NRG1: variants seen among roughly 807,000 people sequenced by gnomAD.
NRG1 encodes neuregulin 1.
NRG1 carries 18 observed loss-of-function variants against 63.8 expected under a neutral mutation model. The ratio of observed to expected loss-of-function variants is 0.28; its 90% CI spans 0.19 to 0.42. The LOEUF (loss-of-function observed/expected upper bound fraction) is 0.42. NRG1 is among the 10% of genes least tolerant of loss of function. The probability of loss-of-function intolerance (pLI) is 1.00; values close to 1 mark genes in which losing one functional copy is unlikely to be tolerated. For synonymous variants in NRG1, 302 were observed against 301.3 expected (o/e 1.00, Z -0.02); for missense variants, 762 against 814.7 (o/e 0.94, Z 0.79).
At chr8:32,759,577 G>A in intron 10 of NRG1, 141 bp downstream of exon 10, 4 of 1,044,808 alleles carry the variant, frequency 3.8e-6, no homozygotes, top group Non-Finnish European at 5.4e-6. Flanking sequence ...AACTGGCTTT[G>A]CCCTTAATTC....
chr8:31,982,859 A>G (rs1268853942), intron 1 of NRG1, among the ~76,000 whole-genome samples: 1 of 152,106 alleles, frequency 6.6e-6, no homozygotes, highest in African/African-American at 2.4e-5. Context: ...ACTGTTAATA[A>G]CAACATGCTT....
intron 1 of NRG1, among the ~76,000 whole-genome samples, chr8:32,351,805 A>G (rs1805645530): frequency 6.6e-6 from 1 of 152,226 alleles, no homozygotes; most frequent in African/African-American, 2.4e-5. Context: ...TTTTTACCAC[A>G]GTGAACTTGG....
intron 1 of NRG1, among the ~76,000 whole-genome samples, chr8:31,853,078 T>G (rs1489227182): frequency 6.6e-6 from 1 of 152,066 alleles, no homozygotes; most frequent in Non-Finnish European, 1.5e-5. Flanking sequence ...GGCTCAGGAT[T>G]GACTTGGCGA....
At chr8:32,292,113 T>A (rs894772419) in intron 1 of NRG1, among the ~76,000 whole-genome samples, 1 of 152,192 alleles carries the variant, frequency 6.6e-6, no homozygotes, top group Non-Finnish European at 1.5e-5. Context: ...ACTTTCATTT[T>A]TTCCCCCAAC....
intron 1 of NRG1, among the ~76,000 whole-genome samples, chr8:31,976,555 T>A (rs1299526150): frequency 6.6e-6 from 1 of 152,130 alleles, no homozygotes; most frequent in East Asian, 1.9e-4. Context: ...TCTAATCCAT[T>A]CTACAGAAAA....
chr8:32,765,783 C>T (rs767653597), exon 12 of NRG1: 1 of 152,118 alleles, frequency 6.6e-6, no homozygotes, highest in Non-Finnish European at 1.5e-5. Flanking sequence ...CACCCATTTC[C>T]CCCACCTCCT....
intron 6 of NRG1, among the ~76,000 whole-genome samples, chr8:32,729,129 CG>C: frequency 6.6e-6 from 1 of 151,914 alleles, no homozygotes; most frequent in South Asian, 2.1e-4. Context: ...CAACAGGCAG[CG>C]TAAGATAGTG....
intron 1 of NRG1, among the ~76,000 whole-genome samples, chr8:32,339,800 C>T (rs1803820852): frequency 6.6e-6 from 1 of 152,074 alleles, no homozygotes; most frequent in African/African-American, 2.4e-5. Flanking sequence ...TTCTGTATTC[C>T]TCAGCTGGTT....
intron 1 of NRG1, among the ~76,000 whole-genome samples, chr8:32,451,832 C>T (rs1820985928): frequency 6.6e-6 from 1 of 152,088 alleles, no homozygotes; most frequent in Non-Finnish European, 1.5e-5. Flanking sequence ...AAACTCACTT[C>T]CTTCTTTTTT....
intron 6 of NRG1, among the ~76,000 whole-genome samples, chr8:32,731,733 A>T (rs3757932): frequency 0.03 from 4,592 of 152,322 alleles, 300 homozygotes; most frequent in East Asian, 0.28. Flanking sequence ...ATGATAATAC[A>T]TTGTTCACTA....
At chr8:31,761,269 A>G (rs1189913531) in intron 1 of NRG1, among the ~76,000 whole-genome samples, 1 of 152,056 alleles carries the variant, frequency 6.6e-6, no homozygotes, top group African/African-American at 2.4e-5. Context: ...ACATGGACAC[A>G]GGAAGGGGAA....
At chr8:32,284,865 A>G (rs1853340077) in intron 1 of NRG1, among the ~76,000 whole-genome samples, 2 of 152,082 alleles carry the variant, frequency 1.3e-5, no homozygotes, top group South Asian at 2.1e-4. Context: ...TTTTTTCTTT[A>G]ACAATGCCCA....
intron 1 of NRG1, among the ~76,000 whole-genome samples, chr8:32,478,175 C>T (rs1007613935): frequency 6.6e-6 from 1 of 152,212 alleles, no homozygotes. Flanking sequence ...AATAACTCAG[C>T]AGTAGGCTTT....
intron 1 of NRG1, among the ~76,000 whole-genome samples, chr8:32,330,704 G>A (rs989088069): frequency 6.6e-6 from 1 of 152,194 alleles, no homozygotes; most frequent in Non-Finnish European, 1.5e-5. Flanking sequence ...AAGCTAGTGA[G>A]CTATGAGTTG....
At chr8:32,016,685 G>A (rs909679848) in intron 1 of NRG1, among the ~76,000 whole-genome samples, 3 of 152,022 alleles carry the variant, frequency 2.0e-5, no homozygotes, top group Non-Finnish European at 2.9e-5. Flanking sequence ...ACAGTTTTCC[G>A]TTGTTTATTC....
chr8:31,641,329 T>TG (rs199766628), intron 1 of NRG1, among the ~76,000 whole-genome samples: 32 of 140,228 alleles, frequency 2.3e-4, no homozygotes, highest in Middle Eastern at 3.6e-3. Flanking sequence ...TTGTTATTGG[T>TG]GGGGGTTTTT....
intron 1 of NRG1, among the ~76,000 whole-genome samples, chr8:31,655,023 A>G (rs1046190472): frequency 6.6e-6 from 1 of 152,154 alleles, no homozygotes; most frequent in Non-Finnish European, 1.5e-5. Flanking sequence ...TTCCCCTCAG[A>G]TTTCGGCATT....
intron 1 of NRG1, among the ~76,000 whole-genome samples, chr8:31,853,734 T>C (rs1377392212): frequency 6.6e-6 from 1 of 151,574 alleles, no homozygotes; most frequent in Non-Finnish European, 1.5e-5. Context: ...TTCAGTATGA[T>C]ATTGGCTGTG....
At chr8:32,340,034 G>T (rs1264619719) in intron 1 of NRG1, among the ~76,000 whole-genome samples, 1 of 152,258 alleles carries the variant, frequency 6.6e-6, no homozygotes, top group East Asian at 1.9e-4. Context: ...CTGCTGCTAA[G>T]GGGTAAGGTG....
Sources: gnomAD v4.1 joint callset for allele counts (sites outside exome capture counted in the v4.1 genomes callset) on GRCh38, gnomAD v4.1.1 for gene constraint, MANE v1.5 for transcripts, NCBI Gene and HGNC (gene_info 2026-07-23, HGNC 2026-07-21) for gene names.